The following HPSE2 variants were observed in gnomAD, a reference collection of about 807,000 sequenced individuals.
HPSE2 encodes heparanase 2 (inactive), also known as inactive heparanase-2.
A neutral mutation model predicts 60.5 loss-of-function variants in HPSE2; 38 were observed. The ratio of observed to expected loss-of-function variants is 0.63; its 90% CI spans 0.48 to 0.82. The LOEUF is 0.82. Ranked by LOEUF, HPSE2 falls within the 40% of genes least tolerant of loss-of-function variation. The pLI, the probability that HPSE2 is intolerant of heterozygous loss-of-function variation, is 0.00. For synonymous variants in HPSE2, 295 were observed against 293.2 expected, an observed-to-expected ratio of 1.01 and a Z score of -0.06; for missense variants, 713 against 740.4, an observed-to-expected ratio of 0.96 and a Z score of 0.43.
intron 3 of HPSE2, among the ~76,000 whole-genome samples, chr10:98,841,851 G>C (rs2134693938): frequency 6.6e-6 from 1 of 150,580 alleles, no homozygotes; most frequent in East Asian, 2.0e-4. Context: ...CTGTCACCCA[G>C]GCTGGAGTGC....
intron 9 of HPSE2, among the ~76,000 whole-genome samples, chr10:98,514,331 T>A (rs1291769736): frequency 2.0e-5 from 3 of 152,108 alleles, no homozygotes; most frequent in African/African-American, 7.2e-5. Flanking sequence ...GATAAAAAAA[T>A]TTTGGAAATA....
intron 2 of HPSE2, among the ~76,000 whole-genome samples, chr10:99,168,788 T>C (rs903257498): frequency 1.3e-5 from 2 of 152,224 alleles, no homozygotes; most frequent in African/African-American, 2.4e-5. Flanking sequence ...GTAAGCATCA[T>C]TGGTTTCTTC....
chr10:98,798,562 A>G (rs1414121069), intron 3 of HPSE2, among the ~76,000 whole-genome samples: 3 of 152,200 alleles, frequency 2.0e-5, no homozygotes, highest in Non-Finnish European at 4.4e-5. Flanking sequence ...AAGAGAAACA[A>G]CAAAAGTTAA....
rs563839340 is a variant in HPSE2 at position 98,630,283 on chromosome 10, C to T, written c.1099-9575G>A. Among the ~76,000 whole-genome samples the T allele has an allele frequency of 6.6e-5, 10 of 151,602 alleles. No homozygotes were observed. In the South Asian group the frequency reaches 1.0e-3, roughly 16 times the overall value. The stretch of plus-strand genomic sequence containing the variant: ...CGCCATCTTGGCTCACTGCAAGCTC[C>T]GCCTCCCAGGTTCACGCCATTCTTC... On this transcript the variant is annotated intron_variant, in intron 7 of 11. Coordinates refer to ENST00000370552, the MANE Select transcript of HPSE2 (RefSeq NM_021828.5).
At chr10:98,637,446 A>G (rs553089104) in intron 7 of HPSE2, among the ~76,000 whole-genome samples, 1 of 152,374 alleles carries the variant, frequency 6.6e-6, no homozygotes, top group African/African-American at 2.4e-5. Flanking sequence ...AATAATAGCA[A>G]TAAGAACTAG....
chr10:98,678,418 T>C (rs1454137759), intron 6 of HPSE2, among the ~76,000 whole-genome samples: 1 of 152,154 alleles, frequency 6.6e-6, no homozygotes, highest in Non-Finnish European at 1.5e-5. Flanking sequence ...GTGATTAAAA[T>C]AGACTGCAGG....
At chr10:98,733,325 T>C (rs1020393108) in intron 4 of HPSE2, among the ~76,000 whole-genome samples, 1 of 152,122 alleles carries the variant, frequency 6.6e-6, no homozygotes, top group Non-Finnish European at 1.5e-5. Context: ...TTTCATTATG[T>C]TTCCAAGGCT....
At chr10:99,074,529 G>A (rs1842899462) in intron 3 of HPSE2, among the ~76,000 whole-genome samples, 1 of 152,080 alleles carries the variant, frequency 6.6e-6, no homozygotes, top group African/African-American at 2.4e-5. Flanking sequence ...TTCTTGTAGT[G>A]TCTTTGTATA....
At chr10:98,614,766 A>G in intron 9 of HPSE2, 138 bp downstream of exon 9, 1 of 717,988 alleles carries the variant, frequency 1.4e-6, no homozygotes, top group East Asian at 2.7e-5. Flanking sequence ...GGGAACAAAG[A>G]CAGGAATGTT....
chr10:98,927,085 A>AT (rs376461578), intron 3 of HPSE2, among the ~76,000 whole-genome samples: 6 of 147,320 alleles, frequency 4.1e-5, no homozygotes, highest in African/African-American at 1.3e-4. Context: ...TATTCTGTTG[A>AT]TTTGGGGTGG....
In HPSE2 at chr10:98,711,088, T is replaced by C. The variant is rs147986889; in HGVS notation, c.956+10569A>G. Among the ~76,000 whole-genome samples, 203 of 152,050 alleles carry C rather than the reference T, an allele frequency of 1.3e-3. No individual in the cohort carries two copies. The Middle Eastern group carries it at 0.017, about 13-fold the overall frequency. Reference sequence around the variant, plus strand: ...AAAAAGACAGGGAAATGGGGGATGATGAGAAAAGATGATGAAAGAGATCTG... The same window carrying C: ...AAAAAGACAGGGAAATGGGGGATGACGAGAAAAGATGATGAAAGAGATCTG... On this transcript the variant is annotated intron_variant, in intron 5 of 11. Transcript: ENST00000370552.
chr10:99,180,198 T>A (rs548278705), intron 2 of HPSE2, among the ~76,000 whole-genome samples: 1 of 152,162 alleles, frequency 6.6e-6, no homozygotes, highest in Non-Finnish European at 1.5e-5. Context: ...GACATAGGCA[T>A]GGGCAAAGAC....
intron 3 of HPSE2, among the ~76,000 whole-genome samples, chr10:99,130,799 G>T (rs1845352893): frequency 6.6e-6 from 1 of 152,176 alleles, no homozygotes; most frequent in Non-Finnish European, 1.5e-5. Flanking sequence ...CAAATTCCTG[G>T]AAACTGTGGA....
intron 7 of HPSE2, among the ~76,000 whole-genome samples, chr10:98,625,920 G>A (rs1397007115): frequency 6.6e-6 from 1 of 152,070 alleles, no homozygotes; most frequent in Non-Finnish European, 1.5e-5. Context: ...GGCTAACACG[G>A]TGAAACCCCG....
chr10:98,916,103 T>A (rs1954114015), intron 3 of HPSE2, among the ~76,000 whole-genome samples: 1 of 152,248 alleles, frequency 6.6e-6, no homozygotes, highest in South Asian at 2.1e-4. Flanking sequence ...TTTAGCTCCC[T>A]GTTGGAAGAC....
chr10:98,634,595 T>C (rs142110947), intron 7 of HPSE2, among the ~76,000 whole-genome samples: 53 of 152,302 alleles, frequency 3.5e-4, no homozygotes, highest in African/African-American at 1.2e-3. Flanking sequence ...GAAAGCTGGT[T>C]AAAAGCAAGA....
chr10:98,553,195 A>G (rs1310581325), intron 9 of HPSE2, among the ~76,000 whole-genome samples: 1 of 152,204 alleles, frequency 6.6e-6, no homozygotes. Flanking sequence ...AGTTGGTTAC[A>G]TGAACTATTT....
At chr10:99,251,491 G>A in the HPSE2 span, among the ~76,000 whole-genome samples, 1 of 36,556 alleles carries the variant, frequency 2.7e-5, no homozygotes, top group Non-Finnish European at 1.1e-4. Flanking sequence ...CTAATTCTAT[G>A]GAGCCAGCAT....
At chr10:98,871,326 G>A (rs1328319225) in intron 3 of HPSE2, among the ~76,000 whole-genome samples, 2 of 152,068 alleles carry the variant, frequency 1.3e-5, no homozygotes, top group East Asian at 3.9e-4. Context: ...GTACAGCTAG[G>A]AGGTGCACCC....
Sources: gnomAD v4.1 joint callset for allele counts (sites outside exome capture counted in the v4.1 genomes callset) on GRCh38, gnomAD v4.1.1 for gene constraint, MANE v1.5 for transcripts, NCBI Gene and HGNC (gene_info 2026-07-23, HGNC 2026-07-21) for gene names.